The following NLRP11 variants were observed in gnomAD, a reference collection of about 807,000 sequenced individuals.
NLRP11 encodes the protein NACHT, LRR and PYD domains-containing protein 11.
In NLRP11, 53 loss-of-function variants were observed where a neutral mutation model predicts 79.3. The ratio of observed to expected loss-of-function variants is 0.67; its 90% confidence interval spans 0.54 to 0.84. The LOEUF (loss-of-function observed/expected upper bound fraction) is 0.84, where lower values mean the gene tolerates loss of function less well. Among genes scored for constraint, NLRP11 ranks in the 40% least tolerant of loss-of-function variants. NLRP11 has a pLI of 0.00. For missense variants in NLRP11, 1,264 were observed against 1,255.0 expected (o/e 1.01, Z -0.11); for synonymous variants, 518 against 462.6 (o/e 1.12, Z -1.54).
intron 4 of NLRP11, among the ~76,000 whole-genome samples, chr19:55,803,744 G>A (rs1469816142): frequency 1.3e-5 from 2 of 152,050 alleles, no homozygotes; most frequent in Non-Finnish European, 1.5e-5. Flanking sequence ...TCAAAACCAC[G>A]AGATACCATC....
intron 1 of NLRP11, among the ~76,000 whole-genome samples, chr19:55,828,903 T>A (rs1982480170): frequency 7.0e-5 from 8 of 114,614 alleles, no homozygotes; most frequent in African/African-American, 5.6e-5. Flanking sequence ...ACAGGAGAGA[T>A]GAAGATAACA....
In NLRP11 at chr19:55,792,364, T is replaced by A. The variant is rs1025272758; in HGVS notation, c.2450A>T (p.Asn817Ile). 10 of 1,614,164 alleles carry A rather than the reference T, an allele frequency of 6.2e-6. No individual in the cohort carries two copies. The highest frequency in any genetic ancestry group is 8.5e-6 in the Non-Finnish European group (10 of 1,179,988). ...AAACGTCACATGCAACACTCCGTAA[T>A]TTTTTAAGCGATTCACACACAGGTC... The change falls in exon 7 of 10, where the codon AAT (asparagine) becomes ATT (isoleucine). Residue 817 changes from asparagine to isoleucine, a missense_variant. Physicochemically the swap from Asn to Ile is moderately radical, Grantham distance 149. Transcript: ENST00000589093.
In NLRP11 at chr19:55,785,881, A is replaced by G; in HGVS notation, c.2856-10T>C. 6.2e-7 allele frequency: 1 copy of G among 1,609,296 alleles called. No individual in the cohort carries two copies. The highest frequency in any genetic ancestry group is 8.5e-7 in the Non-Finnish European group (1 of 1,178,052). ...GCCAGTTAATGGAAGCCTGAAGGAA[A>G]ACAGAGAGAGAACGCCGTTAATGCT... On this transcript the variant is annotated splice_polypyrimidine_tract_variant and intron_variant, in intron 9 of 9. Coordinates refer to ENST00000589093, the Ensembl canonical transcript of NLRP11.
In NLRP11 at chr19:55,808,985, T is replaced by C. The variant is rs1467382642; in HGVS notation, c.1625A>G (p.His542Arg). The change falls in exon 3 of 10, where the codon CAT (histidine) becomes CGT (arginine). Residue 542 changes from histidine (H) to arginine (R), a missense_variant. Coordinates refer to ENST00000589093, the Ensembl canonical transcript of NLRP11. ...ATAGAGACAGTAAAACAAAGGCATA[T>C]GGTGCGTCAACTTTTCCGGGTCACG... The C allele has an allele frequency of 4.8e-5, 78 of 1,614,040 alleles. 1 individual carries two copies. The highest frequency in any genetic ancestry group is 6.4e-5 in the Non-Finnish European group (75 of 1,180,020).
intron 7 of NLRP11, among the ~76,000 whole-genome samples, chr19:55,790,578 G>T (rs1407940738): frequency 3.9e-5 from 6 of 152,164 alleles, no homozygotes; most frequent in African/African-American, 1.2e-4. Context: ...CTAGAGGAGT[G>T]CCTGACACTT....
chr19:55,811,221 A>G (rs1980571695), intron 2 of NLRP11, among the ~76,000 whole-genome samples: 1 of 152,198 alleles, frequency 6.6e-6, no homozygotes, highest in Non-Finnish European at 1.5e-5. Flanking sequence ...AGGGAGTCTT[A>G]TTTCTTGAGA....
chr19:55,811,970 T>TGTAC (rs1980643369), intron 2 of NLRP11, among the ~76,000 whole-genome samples: 1 of 149,096 alleles, frequency 6.7e-6, no homozygotes, highest in African/African-American at 2.5e-5. Context: ...TTCACACATG[T>TGTAC]ACACACACAC....
At chr19:55,823,979 A>T (rs1982066421) in intron 1 of NLRP11, among the ~76,000 whole-genome samples, 1 of 124,434 alleles carries the variant, frequency 8.0e-6, no homozygotes, top group Non-Finnish European at 1.6e-5. Context: ...ACCAAAGTTG[A>T]AATGAAGGAA....
intron 1 of NLRP11, among the ~76,000 whole-genome samples, chr19:55,823,450 C>T (rs1411782458): frequency 7.2e-6 from 1 of 138,940 alleles, no homozygotes; most frequent in East Asian, 2.3e-4. Context: ...AGGCTTCAGA[C>T]GATCAAATTA....
chr19:55,787,751 A>T (rs1438969992), intron 9 of NLRP11, among the ~76,000 whole-genome samples: 1 of 152,158 alleles, frequency 6.6e-6, no homozygotes, highest in Non-Finnish European at 1.5e-5. Flanking sequence ...AAAACCTGAC[A>T]AACAGTTGCT....
At chr19:55,820,833 A>T (rs34132451) in intron 1 of NLRP11, among the ~76,000 whole-genome samples, 11,170 of 152,222 alleles carry the variant, frequency 0.073, 480 homozygotes, top group East Asian at 0.13. Context: ...GTACCCTGAC[A>T]TATGTACATA....
chr19:55,812,559 C>T (rs62127047), intron 2 of NLRP11, among the ~76,000 whole-genome samples: 1 of 152,214 alleles, frequency 6.6e-6, no homozygotes, highest in African/African-American at 2.4e-5. Context: ...CCCTTCACAC[C>T]TGTTAGAATG....
At chr19:55,829,624 G>A (rs112822639) in intron 1 of NLRP11, among the ~76,000 whole-genome samples, 61 of 136,888 alleles carry the variant, frequency 4.5e-4, no homozygotes, top group African/African-American at 1.5e-3. Context: ...CCGAGATGGC[G>A]CCACTGCACT....
At chr19:55,817,291 A>G (rs113345000) in intron 2 of NLRP11, among the ~76,000 whole-genome samples, 33,912 of 152,044 alleles carry the variant, frequency 0.22, 5,775 homozygotes, top group African/African-American at 0.48. Flanking sequence ...CTAAAAGTAG[A>G]ACGACCATTT....
exon 10 of NLRP11, chr19:55,785,714 T>C (rs768139801): frequency 4.3e-6 from 7 of 1,614,058 alleles, no homozygotes; most frequent in Non-Finnish European, 5.9e-6. Context: ...AAATTAGAAT[T>C]AGGTATTATT....
intron 1 of NLRP11, among the ~76,000 whole-genome samples, chr19:55,820,923 T>C (rs2547268): frequency 0.24 from 36,871 of 152,068 alleles, 5,794 homozygotes; most frequent in African/African-American, 0.44. Context: ...CTGCCATCTT[T>C]AGGATCTGCC....
At chr19:55,830,598 T>TAAAAAAAAAAAA (rs201476127) in intron 1 of NLRP11, among the ~76,000 whole-genome samples, 12 of 129,200 alleles carry the variant, frequency 9.3e-5, no homozygotes, top group East Asian at 7.1e-4. Context: ...CTTAGCTTCC[T>TAAAAAAAAAAAA]AAAAAAAAAA....
At chr19:55,828,996 G>C (rs1469543076) in intron 1 of NLRP11, among the ~76,000 whole-genome samples, 1 of 152,120 alleles carries the variant, frequency 6.6e-6, no homozygotes, top group East Asian at 1.9e-4. Flanking sequence ...GAAGAGACAA[G>C]AAGTTACAAA....
chr19:55,799,202 G>A (rs1362791426), intron 5 of NLRP11, among the ~76,000 whole-genome samples: 1 of 152,122 alleles, frequency 6.6e-6, no homozygotes. Context: ...GGGAGGCAGA[G>A]GTTGAAGTGA....
Sources: gnomAD v4.1 joint callset for allele counts (sites outside exome capture counted in the v4.1 genomes callset) on GRCh38, gnomAD v4.1.1 for gene constraint, MANE v1.5 for transcripts, NCBI Gene and HGNC (gene_info 2026-07-23, HGNC 2026-07-21) for gene names.